DMXL2: variants seen among roughly 807,000 people sequenced by gnomAD.
The protein encoded by DMXL2 is Dmx like 2, also known as dmX-like protein 2.
Under a neutral mutation model 331.1 loss-of-function variants are expected in DMXL2, and 103 were observed. The observed-to-expected ratio is 0.31, with a 90% CI of 0.27 to 0.37. The LOEUF (loss-of-function observed/expected upper bound fraction) is 0.37, where lower values mean the gene tolerates loss of function less well. Among genes scored for constraint, DMXL2 ranks in the 10% least tolerant of loss-of-function variants. The probability of loss-of-function intolerance (pLI) is 1.00; values close to 1 mark genes in which losing one functional copy is unlikely to be tolerated. For missense variants in DMXL2, 3,171 were observed against 3,642.9 expected (o/e 0.87, Z 3.33); for synonymous variants, 1,281 against 1,252.1 (o/e 1.02, Z -0.49).
At chr15:51,464,196 G>C (rs1362955180) in intron 32 of DMXL2, among the ~76,000 whole-genome samples, 1 of 152,206 alleles carries the variant, frequency 6.6e-6, no homozygotes, top group Non-Finnish European at 1.5e-5. Flanking sequence ...GAGCCTAGGA[G>C]TTTGAGACCA....
chr15:51,458,449 C>G lies in DMXL2; in HGVS notation c.8198+57G>C, dbSNP rs942710159. The G allele has an allele frequency of 2.0e-5, 32 of 1,564,524 alleles. No homozygotes were observed. In the Admixed American group the frequency reaches 4.0e-4, roughly 20 times the overall value. ...GAAATAATTCAAATCATGTGCATAA[C>G]CATTTGGTGGGTACTTCTTACAGAA... On this transcript the variant is annotated intron_variant, in intron 36 of 43. Coordinates refer to ENST00000560891, the MANE Select transcript of DMXL2 (RefSeq NM_001378457.1).
At chr15:51,498,076 A>C (rs1038362692) in intron 18 of DMXL2, among the ~76,000 whole-genome samples, 1 of 152,126 alleles carries the variant, frequency 6.6e-6, no homozygotes, top group African/African-American at 2.4e-5. Flanking sequence ...CTACAAAAAA[A>C]ATAAAAAGAA....
Position 51,499,725 on chromosome 15 carries a change from G to A in DMXL2, c.3499C>T (p.His1167Tyr). 1 of 1,614,060 alleles carries A rather than the reference G, an allele frequency of 6.2e-7. No individual in the cohort carries two copies. Among genetic ancestry groups the A allele is most frequent in the Non-Finnish European group, 8.5e-7 (1 of 1,180,004 alleles). Reference protein sequence around the residue: ...KDRYLIPNIKHLVHLDWVSKE... With the variant: ...KDRYLIPNIKYLVHLDWVSKE... ...GATACCCAGTCCAAATGTACTAAAT[G>A]TTTGATATTCGGAATAAGATATCTA... is the stretch of plus-strand genomic sequence containing the variant. Residue 1167 changes from histidine to tyrosine, a missense_variant, in exon 18 of 44, where the codon CAT becomes TAT. Physicochemically the swap from His to Tyr is moderately conservative, Grantham distance 83. This residue lies in a region of DMXL2 where 1,674 missense variants were observed against 1,780.2 expected (regional missense o/e 0.94). Coordinates refer to ENST00000560891, the MANE Select transcript of DMXL2 (RefSeq NM_001378457.1).
In DMXL2 at chr15:51,451,627, T is replaced by C; in HGVS notation, c.8749+18A>G. ...TTCCTTCATGGTATATTTTTAAAAA[T>C]CATAGACCTTAACTCACCATGAATG... On this transcript the variant is annotated intron_variant, in intron 42 of 43. Coordinates refer to ENST00000560891, the MANE Select transcript of DMXL2 (RefSeq NM_001378457.1). 6.2e-7 allele frequency: 1 copy of C among 1,600,348 alleles called. No individual in the cohort carries two copies. The highest frequency in any genetic ancestry group is 8.5e-7 in the Non-Finnish European group (1 of 1,169,822).
intron 1 of DMXL2, among the ~76,000 whole-genome samples, chr15:51,586,597 G>C (rs1432165133): frequency 6.6e-6 from 1 of 151,240 alleles, no homozygotes; most frequent in African/African-American, 2.4e-5. Context: ...AAAAAAACTA[G>C]CCAATTTTGA....
At chr15:51,580,591 T>C (rs904744692) in intron 1 of DMXL2, among the ~76,000 whole-genome samples, 3 of 152,170 alleles carry the variant, frequency 2.0e-5, no homozygotes, top group Admixed American at 1.3e-4. Context: ...AAACACTTTA[T>C]CTTGAAATCA....
chr15:51,591,491 C>T (rs1029847821), intron 1 of DMXL2, among the ~76,000 whole-genome samples: 1 of 152,202 alleles, frequency 6.6e-6, no homozygotes, highest in African/African-American at 2.4e-5. Flanking sequence ...CCTCTGTAGA[C>T]TCCACCTGTG....
chr15:51,510,403 T>C (rs1462308577), intron 15 of DMXL2, among the ~76,000 whole-genome samples: 2 of 152,168 alleles, frequency 1.3e-5, no homozygotes, highest in African/African-American at 4.8e-5. Flanking sequence ...AGCATTCCTA[T>C]ACACCAATAA....
At chr15:51,511,338 A>G (rs1714852266) in intron 15 of DMXL2, among the ~76,000 whole-genome samples, 1 of 152,238 alleles carries the variant, frequency 6.6e-6, no homozygotes, top group African/African-American at 2.4e-5. Flanking sequence ...AACTTAAACA[A>G]ATTTACAAGA....
rs147580343 is a variant in DMXL2 at position 51,459,114 on chromosome 15, T to C, written c.7990-319A>G. 2.7e-4 allele frequency: 68 copies of C among 251,700 alleles called. 1 individual carries two copies. Among genetic ancestry groups the C allele is most frequent in the African/African-American group, 1.3e-3 (61 of 45,546 alleles). The allele number at this position is 251,700 out of a possible 1,614,324, so 15.6% of individuals were successfully genotyped here. A position where few individuals can be genotyped will look rare whatever the true frequency, so the allele number is the denominator to read the frequency against. On this transcript the variant is annotated intron_variant, in intron 34 of 43. Transcript: ENST00000560891. The stretch of plus-strand genomic sequence containing the variant: ...CTCTCTTAGCTCTTCCAAAAGTGCA[T>C]AAATATTCTGCAATAAGAATGTGTA...
chr15:51,506,174 G>A (rs1427680048), intron 16 of DMXL2, among the ~76,000 whole-genome samples: 1 of 152,076 alleles, frequency 6.6e-6, no homozygotes, highest in Non-Finnish European at 1.5e-5. Context: ...CAGGGCTCAA[G>A]CAATCCTCCC....
At chr15:51,616,597 C>G (rs2054297121) in intron 1 of DMXL2, among the ~76,000 whole-genome samples, 1 of 152,106 alleles carries the variant, frequency 6.6e-6, no homozygotes, top group South Asian at 2.1e-4. Flanking sequence ...ACTGAAAACC[C>G]TAAAACTTCT....
At chr15:51,457,784 G>A (rs945657653) in intron 36 of DMXL2, 26 of 213,170 alleles carry the variant, frequency 1.2e-4, no homozygotes, top group Admixed American at 8.2e-4. Flanking sequence ...AAATTAACAC[G>A]TTTAAAGAAA....
intron 1 of DMXL2, among the ~76,000 whole-genome samples, chr15:51,621,372 G>A (rs374153386): frequency 1.9e-4 from 29 of 152,276 alleles, no homozygotes; most frequent in African/African-American, 6.7e-4. Flanking sequence ...TAAAAACACT[G>A]TTGGAAAGCA....
chr15:51,460,027 T>C lies in DMXL2; in HGVS notation c.7927-367A>G, dbSNP rs956548622. Reference sequence around the variant, plus strand: ...TACATAAATTCCTGCCCTATAGGGGTTGATTTAAAATACAAATTAAAATAT... The same window carrying C: ...TACATAAATTCCTGCCCTATAGGGGCTGATTTAAAATACAAATTAAAATAT... On this transcript the variant is annotated intron_variant, in intron 33 of 43. Transcript: ENST00000560891. The C allele has an allele frequency of 7.1e-6, 7 of 979,228 alleles. No individual in the cohort carries two copies. The African/African-American group carries it at 1.2e-4, about 17-fold the overall frequency. The allele number at this position is 979,228 out of a possible 1,614,324, so 60.7% of individuals were successfully genotyped here.
At chr15:51,561,025 A>C (rs1216196432) in intron 6 of DMXL2, among the ~76,000 whole-genome samples, 1 of 151,986 alleles carries the variant, frequency 6.6e-6, no homozygotes, top group African/African-American at 2.4e-5. Context: ...AAACCTCTTA[A>C]AAATTAAAAA....
chr15:51,476,999 T>G (rs1359428017), intron 26 of DMXL2, among the ~76,000 whole-genome samples: 1 of 152,072 alleles, frequency 6.6e-6, no homozygotes, highest in Admixed American at 6.5e-5. Context: ...ATCTTTTCTA[T>G]TTGCAGTAAT....
intron 23 of DMXL2, 77 bp from the exon 24 acceptor site, chr15:51,481,700 A>G (rs940032408): frequency 3.7e-6 from 5 of 1,361,056 alleles, no homozygotes; most frequent in African/African-American, 1.5e-5. Context: ...AAAATACGTC[A>G]GCATTTCTTC....
At position 51,499,883 on chromosome 15, in the gene DMXL2, C is replaced by A; in HGVS notation, c.3341G>T (p.Gly1114Val). ...TGTTTGTTCTAAAACCCACTCTGATCCTCCTGTAGATTCACATTCAAATAT... is the reference window on the plus strand; with the variant it reads ...TGTTTGTTCTAAAACCCACTCTGATACTCCTGTAGATTCACATTCAAATAT... ...VCIFECESTGGSEWVLEQTIH... is the reference protein window; with the variant it reads ...VCIFECESTGVSEWVLEQTIH... Residue 1114 changes from glycine (G) to valine (V), a missense_variant, in exon 18 of 44, where the codon GGA becomes GTA. Physicochemically the swap from Gly to Val is moderately radical, Grantham distance 109 (BLOSUM62 -3). Around this residue, in one of 7 missense-constraint regions of DMXL2, gnomAD observed 1,674 missense variants for 1,780.2 expected, o/e 0.94. Transcript: ENST00000560891. 1 of 1,614,126 alleles carries A rather than the reference C, an allele frequency of 6.2e-7. No homozygotes were observed. The highest frequency in any genetic ancestry group is 1.1e-5 in the South Asian group (1 of 91,080).
Sources: allele counts gnomAD v4.1 joint callset (sites outside exome capture counted in the v4.1 genomes callset), GRCh38; gene constraint gnomAD v4.1.1; regional missense constraint gnomAD v4.1.1; transcripts MANE v1.5; gene names NCBI Gene and HGNC (gene_info 2026-07-23, HGNC 2026-07-21).